The following MOSMO variants were observed in gnomAD, a reference collection of about 807,000 sequenced individuals.
MOSMO encodes modulator of smoothened, also known as modulator of smoothened protein.
In MOSMO, 5 loss-of-function variants were observed where a neutral mutation model predicts 18.4. That is an observed-to-expected ratio of 0.27 (90% CI 0.14 to 0.57). The LOEUF (loss-of-function observed/expected upper bound fraction) is 0.57. MOSMO is among the 20% of genes least tolerant of loss of function. MOSMO has a pLI of 0.92. For missense variants in MOSMO, 138 were observed against 211.8 expected, an observed-to-expected ratio of 0.65 and a Z score of 2.16; for synonymous variants, 82 against 82.3, an observed-to-expected ratio of 1.00 and a Z score of 0.02.
At chr16:22,046,176 C>T (rs1598011213) in intron 1 of MOSMO, among the ~76,000 whole-genome samples, 1 of 152,306 alleles carries the variant, frequency 6.6e-6, no homozygotes, top group East Asian at 1.9e-4. Flanking sequence ...GCTAAAGGGA[C>T]ACTTCAACCC....
chr16:22,010,739 T>C (rs1899507691), intron 1 of MOSMO, among the ~76,000 whole-genome samples: 1 of 151,972 alleles, frequency 6.6e-6, no homozygotes, highest in Non-Finnish European at 1.5e-5. Flanking sequence ...GCCAACATGA[T>C]GAAACCCTGT....
chr16:22,091,427 A>G (rs980138120), downstream of MOSMO, among the ~76,000 whole-genome samples: 17 of 152,340 alleles, frequency 1.1e-4, no homozygotes, highest in Middle Eastern at 3.4e-3. Context: ...TCTGTAGCCC[A>G]GGCTGGAGTG....
At chr16:22,086,023 C>T (rs1901167290), downstream of MOSMO, 1 of 152,130 alleles carries the variant, frequency 6.6e-6, no homozygotes, top group Non-Finnish European at 1.5e-5. Flanking sequence ...GTGAGGAAAT[C>T]GAGGCCTCAG....
intron 1 of MOSMO, among the ~76,000 whole-genome samples, chr16:22,066,285 A>G (rs1041288456): frequency 4.6e-5 from 7 of 152,264 alleles, no homozygotes; most frequent in African/African-American, 1.7e-4. Flanking sequence ...TGTTAAAAAC[A>G]GTCAGCAGTT....
intron 1 of MOSMO, among the ~76,000 whole-genome samples, chr16:22,054,530 C>T (rs899280392): frequency 2.6e-5 from 4 of 152,196 alleles, no homozygotes; most frequent in Non-Finnish European, 4.4e-5. Flanking sequence ...GCCTTACCAA[C>T]CTTACCTCTC....
chr16:22,081,266 A>G lies in MOSMO; in HGVS notation c.*386A>G, dbSNP rs1284047844. The G allele has an allele frequency of 6.6e-6, 1 of 152,508 alleles. No homozygotes were observed. The highest frequency in any genetic ancestry group is 1.5e-5 in the Non-Finnish European group (1 of 68,318). The allele number at this position is 152,508 out of a possible 1,614,324, so 9.4% of individuals were successfully genotyped here. On this transcript the variant is annotated 3_prime_UTR_variant, in exon 3 of 3. Transcript: ENST00000542527. ...TCTAATGATTCATTAGAGGAAAAAAAAAAGTCTAAGTATTTATGTGTCATG... is the reference window on the plus strand; with the variant it reads ...TCTAATGATTCATTAGAGGAAAAAAGAAAGTCTAAGTATTTATGTGTCATG...
At chr16:22,018,313 GT>G (rs962727803) in intron 1 of MOSMO, among the ~76,000 whole-genome samples, 9 of 152,226 alleles carry the variant, frequency 5.9e-5, no homozygotes, top group Admixed American at 5.9e-4. Flanking sequence ...ACAGTAAGTT[GT>G]TTACCTGGAA....
chr16:22,013,316 G>A (rs985529000), intron 1 of MOSMO, among the ~76,000 whole-genome samples: 1 of 152,136 alleles, frequency 6.6e-6, no homozygotes, highest in Non-Finnish European at 1.5e-5. Flanking sequence ...CTTCACTGAA[G>A]TATTACCTAT....
chr16:22,087,051 C>T (rs1292909135), downstream of MOSMO: 7 of 152,220 alleles, frequency 4.6e-5, no homozygotes, highest in South Asian at 1.5e-3. Flanking sequence ...CCATTGATCT[C>T]CTTAGAATTT....
chr16:22,034,025 T>C (rs990866119), intron 1 of MOSMO, among the ~76,000 whole-genome samples: 7 of 152,182 alleles, frequency 4.6e-5, no homozygotes, highest in African/African-American at 7.2e-5. Flanking sequence ...GTTGAAAAAC[T>C]GTAAGTCACG....
At chr16:22,016,015 A>G (rs1479022188) in intron 1 of MOSMO, among the ~76,000 whole-genome samples, 1 of 152,174 alleles carries the variant, frequency 6.6e-6, no homozygotes, top group East Asian at 1.9e-4. Flanking sequence ...CAAATTTTGC[A>G]TAGTAATAGT....
chr16:22,020,369 A>G (rs1285009270), intron 1 of MOSMO, among the ~76,000 whole-genome samples: 4 of 134,624 alleles, frequency 3.0e-5, no homozygotes, highest in Non-Finnish European at 6.2e-5. Flanking sequence ...ATCTCGGATC[A>G]CTGCAACCTC....
downstream of MOSMO, chr16:22,085,332 T>C (rs1312451110): frequency 1.3e-5 from 2 of 152,196 alleles, no homozygotes; most frequent in African/African-American, 4.8e-5. Flanking sequence ...GAGGTGAGAC[T>C]TGAAGTACTA....
chr16:22,023,900 G>A (rs1899816195), intron 1 of MOSMO, among the ~76,000 whole-genome samples: 1 of 151,072 alleles, frequency 6.6e-6, no homozygotes, highest in Non-Finnish European at 1.5e-5. Context: ...CTGTGAACCT[G>A]TTTTCTCTTG....
chr16:22,029,342 G>T (rs1228702974), intron 1 of MOSMO, among the ~76,000 whole-genome samples: 1 of 152,158 alleles, frequency 6.6e-6, no homozygotes, highest in Admixed American at 6.5e-5. Context: ...GCCATTTAGA[G>T]TCTTCTGGCC....
chr16:22,039,478 T>C (rs1900169966), intron 1 of MOSMO, among the ~76,000 whole-genome samples: 1 of 152,128 alleles, frequency 6.6e-6, no homozygotes, highest in Non-Finnish European at 1.5e-5. Flanking sequence ...TTTAGAAAAT[T>C]AGGTTGGAAA....
chr16:22,045,275 T>C lies in MOSMO; in HGVS notation c.107-30212T>C, dbSNP rs534884576. Among the ~76,000 whole-genome samples the C allele has an allele frequency of 2.6e-5, 4 of 152,178 alleles. No homozygotes were observed. In the East Asian group the frequency reaches 7.7e-4, roughly 29 times the overall value. Reference sequence around the variant, plus strand: ...CTTATACACAATCAAGATTCTAATATGTTCATAGTTAATTCATAGTGTAAA... The same window carrying C: ...CTTATACACAATCAAGATTCTAATACGTTCATAGTTAATTCATAGTGTAAA... On this transcript the variant is annotated intron_variant, in intron 1 of 2. Coordinates refer to ENST00000542527, the MANE Select transcript of MOSMO (RefSeq NM_001164579.2).
chr16:22,091,907 T>A (rs1428726900), downstream of MOSMO, among the ~76,000 whole-genome samples: 1 of 152,194 alleles, frequency 6.6e-6, no homozygotes, highest in Admixed American at 6.5e-5. Flanking sequence ...ACTAGTTACA[T>A]CATAATCACC....
intron 1 of MOSMO, among the ~76,000 whole-genome samples, chr16:22,062,575 C>G (rs1186563241): frequency 6.6e-6 from 1 of 152,184 alleles, no homozygotes; most frequent in Non-Finnish European, 1.5e-5. Flanking sequence ...GCCTCTGTCT[C>G]CCAAAGGGCT....
Sources: gnomAD v4.1 joint callset for allele counts (sites outside exome capture counted in the v4.1 genomes callset) on GRCh38, gnomAD v4.1.1 for gene constraint, MANE v1.5 for transcripts, NCBI Gene and HGNC (gene_info 2026-07-23, HGNC 2026-07-21) for gene names.